COX7B2: variants seen among roughly 807,000 people sequenced by gnomAD.
COX7B2 encodes cytochrome c oxidase subunit 7B2, mitochondrial.
For missense variants in COX7B2, 109 were observed against 95.9 expected (o/e 1.14, Z -0.57); for synonymous variants, 37 against 32.1 (o/e 1.15, Z -0.51).
intron 2 of COX7B2, among the ~76,000 whole-genome samples, chr4:46,750,106 A>G (rs1715261216): frequency 6.6e-6 from 1 of 151,958 alleles, no homozygotes; most frequent in African/African-American, 2.4e-5. Context: ...TTACACCTAT[A>G]ATCCAGCATT....
chr4:46,885,877 A>G (rs1247470022), intron 1 of COX7B2, among the ~76,000 whole-genome samples: 1 of 152,178 alleles, frequency 6.6e-6, no homozygotes, highest in Non-Finnish European at 1.5e-5. Flanking sequence ...ACAGTATACA[A>G]GGTTACCTAA....
chr4:46,892,855 G>C (rs1292721907), intron 1 of COX7B2, among the ~76,000 whole-genome samples: 1 of 152,144 alleles, frequency 6.6e-6, no homozygotes, highest in African/African-American at 2.4e-5. Flanking sequence ...GGACCCAGTG[G>C]GACATAACTG....
intron 2 of COX7B2, among the ~76,000 whole-genome samples, chr4:46,743,927 G>A (rs1714863820): frequency 6.6e-6 from 1 of 152,112 alleles, no homozygotes; most frequent in Admixed American, 6.6e-5. Context: ...ATTTCCTTGT[G>A]GGAACTTTTA....
intron 2 of COX7B2, among the ~76,000 whole-genome samples, chr4:46,811,578 CTCACTAAATT>C (rs1719287539): frequency 6.6e-6 from 1 of 152,082 alleles, no homozygotes; most frequent in African/African-American, 2.4e-5. Context: ...TATCTTGTAT[CTCACTAAATT>C]TCCTTAAGAT....
At chr4:46,905,825 T>TTTTTTC (rs1720351310) in intron 1 of COX7B2, among the ~76,000 whole-genome samples, 1 of 117,696 alleles carries the variant, frequency 8.5e-6, no homozygotes, top group Non-Finnish European at 1.8e-5. Context: ...TTTTTTTTTT[T>TTTTTTC]TTTTTTTTTT....
chr4:46,762,020 C>A (rs929800883), intron 2 of COX7B2, among the ~76,000 whole-genome samples: 2 of 150,864 alleles, frequency 1.3e-5, no homozygotes, highest in African/African-American at 4.9e-5. Flanking sequence ...GTCAGCTCTG[C>A]AACTTTATTA....
intron 2 of COX7B2, among the ~76,000 whole-genome samples, chr4:46,752,660 C>G (rs7436786): frequency 0.33 from 49,676 of 151,830 alleles, 8,395 homozygotes; most frequent in South Asian, 0.47. Context: ...AGCCTTTTCT[C>G]CATCTATTGA....
rs139035822 is a variant in COX7B2 at position 46,895,283 on chromosome 4, T to C, written c.-105+13877A>G. Among the ~76,000 whole-genome samples the C allele has an allele frequency of 7.4e-3, 1,131 of 152,266 alleles. 5 individuals carry two copies. Among genetic ancestry groups the C allele is most frequent in the Middle Eastern group, 0.017 (5 of 294 alleles). ...TTGAATAAAGAAAATGTGGTACATATACACCACAGAATACTACGGAGCCAT... is the reference window on the plus strand; with the variant it reads ...TTGAATAAAGAAAATGTGGTACATACACACCACAGAATACTACGGAGCCAT... On this transcript the variant is annotated intron_variant, in intron 1 of 2. Coordinates refer to ENST00000355591, the MANE Select transcript of COX7B2 (RefSeq NM_130902.3).
intron 2 of COX7B2, among the ~76,000 whole-genome samples, chr4:46,830,361 C>T (rs374049022): frequency 2.8e-5 from 4 of 143,784 alleles, no homozygotes; most frequent in South Asian, 2.2e-4. Context: ...AAAGAGAAAA[C>T]GGAGAGAAAA....
In COX7B2 at chr4:46,869,127, CCTTT is replaced by C. The variant is rs1289225769; in HGVS notation, c.-104-24117_-104-24114del. Among the ~76,000 whole-genome samples, 3 of 152,074 alleles carry C rather than the reference CCTTT, an allele frequency of 2.0e-5. No homozygotes were observed. The East Asian group carries it at 5.8e-4, about 29-fold the overall frequency. Reference sequence around the variant, plus strand: ...TTGAACCCTTTACTATTATGTAATGCCTTTCTTTGTCTTTTTTGATCTTTGTTGG... The same window carrying C: ...TTGAACCCTTTACTATTATGTAATGCCTTTGTCTTTTTTGATCTTTGTTGG... On this transcript the variant is annotated intron_variant, in intron 1 of 2. Coordinates refer to ENST00000355591, the MANE Select transcript of COX7B2 (RefSeq NM_130902.3).
chr4:46,880,106 T>G (rs1443942046), intron 1 of COX7B2, among the ~76,000 whole-genome samples: 1 of 152,176 alleles, frequency 6.6e-6, no homozygotes, highest in Non-Finnish European at 1.5e-5. Context: ...AGGTGGCTCT[T>G]GCTGTTTTGA....
At chr4:46,778,353 T>C (rs1308669690) in intron 2 of COX7B2, among the ~76,000 whole-genome samples, 1 of 152,166 alleles carries the variant, frequency 6.6e-6, no homozygotes, top group East Asian at 1.9e-4. Context: ...CAATATACAG[T>C]AACAATGACA....
intron 1 of COX7B2, among the ~76,000 whole-genome samples, chr4:46,863,080 A>G (rs535513822): frequency 2.0e-5 from 3 of 152,286 alleles, no homozygotes; most frequent in Non-Finnish European, 4.4e-5. Context: ...GTGCCAAAGA[A>G]TATGCCTTTT....
At chr4:46,890,487 T>C (rs1719364928) in intron 1 of COX7B2, among the ~76,000 whole-genome samples, 1 of 152,214 alleles carries the variant, frequency 6.6e-6, no homozygotes, top group African/African-American at 2.4e-5. Flanking sequence ...AGAGGACAAA[T>C]GAAACATTTA....
intron 2 of COX7B2, among the ~76,000 whole-genome samples, chr4:46,772,278 G>T (rs571599698): frequency 2.0e-5 from 3 of 152,222 alleles, no homozygotes; most frequent in Non-Finnish European, 2.9e-5. Context: ...TAATGGTGTT[G>T]TCACGCACTG....
At chr4:46,737,507 TC>T (rs1714438100) in intron 2 of COX7B2, among the ~76,000 whole-genome samples, 1 of 152,130 alleles carries the variant, frequency 6.6e-6, no homozygotes, top group Non-Finnish European at 1.5e-5. Context: ...CATAAAAAGA[TC>T]TTTTTAAAAC....
chr4:46,789,285 G>T (rs1017285826), intron 2 of COX7B2, among the ~76,000 whole-genome samples: 1 of 152,008 alleles, frequency 6.6e-6, no homozygotes, highest in Admixed American at 6.6e-5. Context: ...TCAAGTATAG[G>T]AAAGTTCAAA....
intron 2 of COX7B2, among the ~76,000 whole-genome samples, chr4:46,813,426 C>A (rs1262509846): frequency 1.3e-5 from 2 of 152,046 alleles, no homozygotes; most frequent in African/African-American, 4.8e-5. Flanking sequence ...ATAATGAAAG[C>A]AAACATAGAT....
At chr4:46,768,353 ATCTAGCTGCTTCT>A (rs59570755) in intron 2 of COX7B2, among the ~76,000 whole-genome samples, 49,866 of 151,972 alleles carry the variant, frequency 0.33, 8,433 homozygotes, top group South Asian at 0.47. Flanking sequence ...AGTCTCCAAT[ATCTAGCTGCTTCT>A]TCTCCTCTCG....
Sources: allele counts gnomAD v4.1 joint callset (sites outside exome capture counted in the v4.1 genomes callset), GRCh38; gene constraint gnomAD v4.1.1; transcripts MANE v1.5; gene names NCBI Gene and HGNC (gene_info 2026-07-23, HGNC 2026-07-21).